Variants in DOK5 observed in about 807,000 individuals in gnomAD.
DOK5 encodes docking protein 5.
DOK5 carries 27 observed loss-of-function variants against 43.3 expected under a neutral mutation model. The observed-to-expected ratio is 0.62, with a 90% CI of 0.46 to 0.86. The LOEUF (loss-of-function observed/expected upper bound fraction) is 0.86. DOK5 is among the 40% of genes least tolerant of loss of function. The pLI is 0.00. For missense variants in DOK5, 373 were observed against 392.9 expected (o/e 0.95, Z 0.43); for synonymous variants, 146 against 140.1 (o/e 1.04, Z -0.30).
At chr20:54,507,689 C>T (rs1982859336) in intron 1 of DOK5, among the ~76,000 whole-genome samples, 1 of 152,124 alleles carries the variant, frequency 6.6e-6, no homozygotes, top group Admixed American at 6.5e-5. Context: ...AGGACCCAGC[C>T]ATGAGAAATT....
chr20:54,488,040 T>A (rs529566596), intron 1 of DOK5, among the ~76,000 whole-genome samples: 6 of 152,238 alleles, frequency 3.9e-5, no homozygotes, highest in Non-Finnish European at 8.8e-5. Flanking sequence ...CATACTTCTT[T>A]GAATCCCCTA....
intron 2 of DOK5, among the ~76,000 whole-genome samples, chr20:54,578,786 A>T (rs1221024570): frequency 6.6e-6 from 1 of 152,166 alleles, no homozygotes; most frequent in East Asian, 1.9e-4. Flanking sequence ...GGTTTCAGTC[A>T]TGGAGCTTGA....
At chr20:54,573,419 G>A (rs982931711) in intron 2 of DOK5, among the ~76,000 whole-genome samples, 1 of 152,104 alleles carries the variant, frequency 6.6e-6, no homozygotes, top group African/African-American at 2.4e-5. Flanking sequence ...GAGGCGCGGT[G>A]GCTCATGCCT....
chr20:54,534,819 GTTTC>G (rs112769125), intron 1 of DOK5, among the ~76,000 whole-genome samples: 13,227 of 150,538 alleles, frequency 0.088, 698 homozygotes, highest in African/African-American at 0.15. Context: ...TTGAAAGCAT[GTTTC>G]TTTCTTTCTT....
At chr20:54,545,788 C>G (rs1432862855) in intron 1 of DOK5, among the ~76,000 whole-genome samples, 1 of 152,192 alleles carries the variant, frequency 6.6e-6, no homozygotes, top group Non-Finnish European at 1.5e-5. Flanking sequence ...TTCAGAAAAA[C>G]TCCCTTCAAA....
At chr20:54,639,719 T>A (rs1484496585) in intron 6 of DOK5, among the ~76,000 whole-genome samples, 1 of 152,172 alleles carries the variant, frequency 6.6e-6, no homozygotes, top group Non-Finnish European at 1.5e-5. Context: ...TGTTGATAGA[T>A]TCTGTGGCTT....
intron 1 of DOK5, among the ~76,000 whole-genome samples, chr20:54,544,791 G>A (rs1428390931): frequency 6.6e-6 from 1 of 152,162 alleles, no homozygotes; most frequent in Non-Finnish European, 1.5e-5. Flanking sequence ...AAGAGTCATA[G>A]GTCTGGGTGG....
chr20:54,513,694 G>A (rs1478892923), intron 1 of DOK5, among the ~76,000 whole-genome samples: 1 of 152,106 alleles, frequency 6.6e-6, no homozygotes, highest in African/African-American at 2.4e-5. Flanking sequence ...CTAATTAATA[G>A]TTTTCAAATA....
chr20:54,618,239 T>C (rs1402641265), intron 6 of DOK5, among the ~76,000 whole-genome samples: 20 of 152,222 alleles, frequency 1.3e-4, no homozygotes, highest in Non-Finnish European at 2.9e-5. Flanking sequence ...AGGGTGGTTT[T>C]ATCTGGTTCC....
intron 1 of DOK5, among the ~76,000 whole-genome samples, chr20:54,527,682 A>G (rs1983625178): frequency 6.6e-6 from 1 of 152,186 alleles, no homozygotes; most frequent in Non-Finnish European, 1.5e-5. Flanking sequence ...AACATTTTAA[A>G]CAAGAATTCA....
intron 2 of DOK5, among the ~76,000 whole-genome samples, chr20:54,585,825 C>A (rs142729879): frequency 6.6e-6 from 1 of 152,100 alleles, no homozygotes; most frequent in African/African-American, 2.4e-5. Context: ...ATGAGATAGT[C>A]TCTATAAAAA....
chr20:54,608,324 AATTG>A (rs1986536281), intron 5 of DOK5, among the ~76,000 whole-genome samples: 1 of 152,182 alleles, frequency 6.6e-6, no homozygotes, highest in Non-Finnish European at 1.5e-5. Context: ...CCTCTTAAAG[AATTG>A]ATTAAGATTA....
chr20:54,500,214 G>A (rs1350962226), intron 1 of DOK5, among the ~76,000 whole-genome samples: 2 of 152,064 alleles, frequency 1.3e-5, no homozygotes, highest in Non-Finnish European at 2.9e-5. Context: ...CACTCTTTGT[G>A]GGTTTATTTC....
In DOK5 at chr20:54,575,300, G is replaced by A. The variant is rs559333294; in HGVS notation, c.175-13183G>A. Among the ~76,000 whole-genome samples the A allele has an allele frequency of 2.6e-5, 4 of 152,334 alleles. No individual in the cohort carries two copies. The South Asian group carries it at 8.3e-4, about 32-fold the overall frequency. On this transcript the variant is annotated intron_variant, in intron 2 of 7. Transcript: ENST00000262593. Reference sequence around the variant, plus strand: ...TCTGGATTGGAGTGATGGTGGACAGGCATGGGCACACACACCTTTAGAAAA... The same window carrying A: ...TCTGGATTGGAGTGATGGTGGACAGACATGGGCACACACACCTTTAGAAAA...
At chr20:54,599,607 T>C (rs1435544450) in intron 5 of DOK5, among the ~76,000 whole-genome samples, 3 of 152,222 alleles carry the variant, frequency 2.0e-5, no homozygotes. Flanking sequence ...TGTGATTTTA[T>C]TAAATAGCAT....
chr20:54,543,364 A>G (rs1984231876), intron 1 of DOK5, among the ~76,000 whole-genome samples: 1 of 152,130 alleles, frequency 6.6e-6, no homozygotes, highest in East Asian at 1.9e-4. Flanking sequence ...AACCTCTACT[A>G]GACAGGACAT....
At chr20:54,647,307 C>G (rs1035992851) in intron 7 of DOK5, among the ~76,000 whole-genome samples, 1 of 152,022 alleles carries the variant, frequency 6.6e-6, no homozygotes, top group Non-Finnish European at 1.5e-5. Context: ...GAGTTCAAGA[C>G]AAGCTTGGCC....
chr20:54,554,947 C>G lies in DOK5; in HGVS notation c.81C>G (p.Cys27Trp). Reference protein sequence around the residue: ...RSRRLGIYQRCWLVFKKASSK... With the variant: ...RSRRLGIYQRWWLVFKKASSK... Reference sequence around the variant, plus strand: ...TTTCCTTCCAGATTTATCAGCGATGCTGGTTAGTATTCAAGAAAGCTTCAA... The same window carrying G: ...TTTCCTTCCAGATTTATCAGCGATGGTGGTTAGTATTCAAGAAAGCTTCAA... The change falls in exon 2 of 8, where the codon TGC becomes TGG. Residue 27 changes from cysteine (C) to tryptophan (W), a missense_variant. Cys to Trp is a radical substitution (Grantham distance 215). Coordinates refer to ENST00000262593, the MANE Select transcript of DOK5 (RefSeq NM_018431.5). 8.1e-6 allele frequency: 13 copies of G among 1,611,840 alleles called. No homozygotes were observed. The highest frequency in any genetic ancestry group is 1.1e-5 in the Non-Finnish European group (13 of 1,177,964).
intron 6 of DOK5, among the ~76,000 whole-genome samples, chr20:54,618,787 G>A (rs1986893970): frequency 6.6e-6 from 1 of 151,768 alleles, no homozygotes; most frequent in Admixed American, 6.6e-5. Flanking sequence ...AGAGGCCAAG[G>A]CAGGAGGATT....
Sources: allele counts gnomAD v4.1 joint callset (sites outside exome capture counted in the v4.1 genomes callset), GRCh38; gene constraint gnomAD v4.1.1; transcripts MANE v1.5; gene names NCBI Gene and HGNC (gene_info 2026-07-23, HGNC 2026-07-21).